The following ANKRD11 variants were observed in gnomAD, a reference collection of about 807,000 sequenced individuals.
The protein encoded by ANKRD11 is ankyrin repeat domain-containing protein 11.
ANKRD11 carries 17 observed loss-of-function variants against 195.7 expected under a neutral mutation model. That is an observed-to-expected ratio of 0.09 (90% CI 0.06 to 0.13). ANKRD11 has a LOEUF of 0.13. ANKRD11 is among the 10% of genes least tolerant of loss of function. ANKRD11 has a pLI of 1.00. For missense variants in ANKRD11, 3,735 were observed against 3,566.1 expected, an observed-to-expected ratio of 1.05 and a Z score of -1.21; for synonymous variants, 1,953 against 1,528.1, an observed-to-expected ratio of 1.28 and a Z score of -6.49.
Position 89,280,526 on chromosome 16 carries a change from C to G in ANKRD11, c.6016G>C (p.Gly2006Arg). The change falls in exon 9 of 13, where the codon GGG (glycine) becomes CGG (arginine). Residue 2006 changes from glycine to arginine, a missense_variant. Transcript: ENST00000301030. ...GGCGCCTCCGAGGCGCTGAAGGGCC[C>G]TGGGGCGGCAGAGTGGAGGGGGTCC... ...PADPLHSAAPGPFSASEAPYP... is the reference protein window; with the variant it reads ...PADPLHSAAPRPFSASEAPYP... The G allele has an allele frequency of 2.5e-6, 4 of 1,611,890 alleles. No homozygotes were observed. The highest frequency in any genetic ancestry group is 3.4e-6 in the Non-Finnish European group (4 of 1,179,566).
intron 1 of ANKRD11, among the ~76,000 whole-genome samples, chr16:89,444,261 A>C (rs573382843): frequency 6.6e-6 from 1 of 152,224 alleles, no homozygotes; most frequent in African/African-American, 2.4e-5. Context: ...GTCAGCAGAA[A>C]ACTGTCTCCA....
At chr16:89,437,138 C>T (rs1183448850) in intron 1 of ANKRD11, among the ~76,000 whole-genome samples, 1 of 152,176 alleles carries the variant, frequency 6.6e-6, no homozygotes, top group Non-Finnish European at 1.5e-5. Context: ...GGGAAGGGAA[C>T]GAAGCGAACA....
intron 2 of ANKRD11, among the ~76,000 whole-genome samples, chr16:89,408,541 G>A (rs945365534): frequency 1.3e-5 from 2 of 152,208 alleles, no homozygotes; most frequent in African/African-American, 2.4e-5. Context: ...TGGCAGGAGT[G>A]TAACAGCCAG....
At chr16:89,484,217 T>C (rs2152378321) in intron 1 of ANKRD11, among the ~76,000 whole-genome samples, 1 of 152,360 alleles carries the variant, frequency 6.6e-6, no homozygotes, top group South Asian at 2.1e-4. Context: ...GGGGTTTTTT[T>C]GGTTTTTTAC....
chr16:89,437,540 AACAGTCCTCCAGAG>A lies in ANKRD11; in HGVS notation c.-144-19186_-144-19173del, dbSNP rs1266383618. ...AGCATGCCACCATCTCCCCTGAGCA[AACAGTCCTCCAGAG>A]ACAGTCCTCCAGAGCTCTCTCCAAC... On this transcript the variant is annotated intron_variant, in intron 1 of 12. Coordinates refer to ENST00000301030, the MANE Select transcript of ANKRD11 (RefSeq NM_013275.6). 4.6e-5 allele frequency among the ~76,000 whole-genome samples: 7 copies of A among 151,968 alleles called. No individual in the cohort carries two copies. The East Asian group carries it at 5.8e-4, about 13-fold the overall frequency.
chr16:89,300,517 G>T, intron 4 of ANKRD11: 1 of 237,348 alleles, frequency 4.2e-6, no homozygotes, highest in Non-Finnish European at 8.2e-6. Context: ...GTCCACTGCA[G>T]CTGAGCGGGT....
intron 4 of ANKRD11, among the ~76,000 whole-genome samples, chr16:89,294,053 G>C (rs934993602): frequency 6.6e-6 from 1 of 152,132 alleles, no homozygotes; most frequent in Admixed American, 6.5e-5. Context: ...GGCAGGACTC[G>C]GTGCCCCCAG....
intron 1 of ANKRD11, among the ~76,000 whole-genome samples, chr16:89,457,140 T>C (rs2056474876): frequency 6.7e-6 from 1 of 150,364 alleles, no homozygotes; most frequent in Non-Finnish European, 1.5e-5. Context: ...TTTGTATTTT[T>C]AGTAGAGACG....
rs376653754 is a variant in ANKRD11 at position 89,285,380 on chromosome 16, C to G, written c.1162G>C (p.Val388Leu). 1.9e-6 allele frequency: 3 copies of G among 1,614,102 alleles called. No individual in the cohort carries two copies. The East Asian group carries it at 6.7e-5, about 36-fold the overall frequency. Residue 388 changes from valine to leucine, a missense_variant, in exon 9 of 13, where the codon GTT becomes CTT. Transcript: ENST00000301030. The surrounding 1 kb of genome is among the most constrained non-coding windows in gnomAD (Gnocchi z 5.6). ...NSFISIPKME[V>L]KSYTKNNTIA... ...GTGTTATTTTTAGTGTAACTTTTAACCTCCATTTTGGGTATAGAGATAAAA... is the reference window on the plus strand; with the variant it reads ...GTGTTATTTTTAGTGTAACTTTTAAGCTCCATTTTGGGTATAGAGATAAAA...
chr16:89,347,740 A>T (rs1185870008), intron 2 of ANKRD11, among the ~76,000 whole-genome samples: 1 of 152,108 alleles, frequency 6.6e-6, no homozygotes, highest in Admixed American at 6.6e-5. Context: ...GTTACTTTTT[A>T]AAAAAGAATA....
chr16:89,396,006 T>C (rs1418471188), intron 2 of ANKRD11: 1 of 152,220 alleles, frequency 6.6e-6, no homozygotes, highest in African/African-American at 2.4e-5. Context: ...AGTCAAAGAA[T>C]GACCGACCGA....
At position 89,323,645 on chromosome 16, in the gene ANKRD11, A is replaced by C. The variant is rs545317885; in HGVS notation, c.-59-6567T>G. Reference sequence around the variant, plus strand: ...CCGAGGGACAGAGGCCCTCACAGGAACCAGGCCCTCCCGCACACCGCCTGA... The same window carrying C: ...CCGAGGGACAGAGGCCCTCACAGGACCCAGGCCCTCCCGCACACCGCCTGA... On this transcript the variant is annotated intron_variant, in intron 2 of 12. Coordinates refer to ENST00000301030, the MANE Select transcript of ANKRD11 (RefSeq NM_013275.6). The C allele has an allele frequency of 2.3e-3, 737 of 322,662 alleles. 12 individuals carry two copies. Among genetic ancestry groups the C allele is most frequent in the South Asian group, 0.017 (721 of 41,718 alleles). 20.0% of individuals were successfully genotyped at this position (322,662 alleles called of 1,614,324 possible). A position where few individuals can be genotyped will look rare whatever the true frequency, so the allele number is the denominator to read the frequency against.
chr16:89,281,819 C>T lies in ANKRD11; in HGVS notation c.4723G>A (p.Asp1575Asn). The part of the protein sequence containing the change: ...DARPREKLLG[D>N]GDLMMTSFER... ...AAGCTGGTCATCATCAGGTCGCCGT[C>T]CCCCAGGAGCTTCTCCCTGGGCCTG... Residue 1575 changes from aspartate (D) to asparagine (N), a missense_variant, in exon 9 of 13, where the codon GAC (aspartate) becomes AAC (asparagine). Physicochemically the swap from Asp to Asn is conservative, Grantham distance 23 (BLOSUM62 1). Coordinates refer to ENST00000301030, the MANE Select transcript of ANKRD11 (RefSeq NM_013275.6). This position sits in a 1 kb window ranked among gnomAD's most constrained non-coding sequence, Gnocchi z 5.5. 6.2e-7 allele frequency: 1 copy of T among 1,613,988 alleles called. No homozygotes were observed. Among genetic ancestry groups the T allele is most frequent in the Non-Finnish European group, 8.5e-7 (1 of 1,180,022 alleles).
rs953053004 is a variant in ANKRD11 at position 89,490,350 on chromosome 16, AGGCGGCGGC to A, written c.-259_-251del. On this transcript the variant is annotated 5_prime_UTR_variant, in exon 1 of 13. Coordinates refer to ENST00000301030, the MANE Select transcript of ANKRD11 (RefSeq NM_013275.6). ...CCCGGGCCGCGCGGCCCGAGCGGCAAGGCGGCGGCGGCGGCGGCGCGGGCTCGGGCCCGG... is the reference window on the plus strand; with the variant it reads ...CCCGGGCCGCGCGGCCCGAGCGGCAAGGCGGCGGCGCGGGCTCGGGCCCGG... The A allele has an allele frequency of 1.3e-5, 2 of 148,648 alleles. No individual in the cohort carries two copies. The highest frequency in any genetic ancestry group is 4.9e-5 in the African/African-American group (2 of 40,588). 9.2% of individuals were successfully genotyped at this position (148,648 alleles called of 1,614,324 possible).
intron 2 of ANKRD11, among the ~76,000 whole-genome samples, chr16:89,381,321 G>C (rs1266536348): frequency 4.9e-5 from 6 of 122,060 alleles, no homozygotes. Context: ...TACAGAGCGA[G>C]ACTCTGCTGC....
At chr16:89,488,349 G>A (rs577342262) in intron 1 of ANKRD11, among the ~76,000 whole-genome samples, 1 of 151,866 alleles carries the variant, frequency 6.6e-6, no homozygotes, top group African/African-American at 2.4e-5. Flanking sequence ...ACAGAAAGAG[G>A]AGAACAACAG....
intron 2 of ANKRD11, among the ~76,000 whole-genome samples, chr16:89,377,130 C>T (rs1042958056): frequency 7.2e-5 from 11 of 152,208 alleles, no homozygotes; most frequent in African/African-American, 2.7e-4. Flanking sequence ...CCCAGAACCC[C>T]GTGAGTTCAA....
chr16:89,322,598 C>T (rs1046486974), intron 2 of ANKRD11, among the ~76,000 whole-genome samples: 1 of 152,208 alleles, frequency 6.6e-6, no homozygotes, highest in South Asian at 2.1e-4. Context: ...AATCCCAGCT[C>T]CAATTCCAAA....
intron 1 of ANKRD11, among the ~76,000 whole-genome samples, chr16:89,445,696 C>T (rs930675827): frequency 1.3e-5 from 2 of 152,114 alleles, no homozygotes; most frequent in African/African-American, 2.4e-5. Flanking sequence ...ATTTTGAGCC[C>T]GGGCACTGTG....
Sources: allele counts gnomAD v4.1 joint callset (sites outside exome capture counted in the v4.1 genomes callset), GRCh38; gene constraint gnomAD v4.1.1; non-coding constraint Gnocchi (gnomAD v3.1); transcripts MANE v1.5; gene names NCBI Gene and HGNC (gene_info 2026-07-23, HGNC 2026-07-21).